The following MEOX1 variants were observed in gnomAD, a reference collection of about 807,000 sequenced individuals.
The protein encoded by MEOX1 is mesenchyme homeobox 1, also known as homeobox protein MOX-1.
In MEOX1, 17 loss-of-function variants were observed where a neutral mutation model predicts 23.2. The ratio of observed to expected loss-of-function variants is 0.73; its 90% CI spans 0.50 to 1.10. The LOEUF (loss-of-function observed/expected upper bound fraction) is 1.10, where lower values mean the gene tolerates loss of function less well. Among genes scored for constraint, MEOX1 ranks in the 50% least tolerant of loss-of-function variants. MEOX1 has a pLI of 0.00. For synonymous variants in MEOX1, 134 were observed against 135.1 expected (o/e 0.99, Z 0.06); for missense variants, 333 against 332.2 (o/e 1.00, Z -0.02).
intron 1 of MEOX1, among the ~76,000 whole-genome samples, chr17:43,650,031 C>T (rs2154588874): frequency 6.6e-6 from 1 of 152,284 alleles, no homozygotes; most frequent in South Asian, 2.1e-4. Context: ...CCTGTCTGAA[C>T]ATTTCTGGAG....
chr17:43,659,627 C>T (rs766110560), intron 1 of MEOX1, among the ~76,000 whole-genome samples: 11 of 152,154 alleles, frequency 7.2e-5, no homozygotes, highest in Non-Finnish European at 1.6e-4. Flanking sequence ...TGGAAAAGTC[C>T]TGGGCAAATG....
chr17:43,649,483 T>G (rs1972875615), intron 1 of MEOX1, among the ~76,000 whole-genome samples: 1 of 152,018 alleles, frequency 6.6e-6, no homozygotes, highest in Non-Finnish European at 1.5e-5. Context: ...ATTTTTGTAT[T>G]TTTAGTAGAG....
At chr17:43,651,716 T>C (rs561423650) in intron 1 of MEOX1, among the ~76,000 whole-genome samples, 1 of 152,286 alleles carries the variant, frequency 6.6e-6, no homozygotes, top group East Asian at 1.9e-4. Context: ...GAAAGGATTC[T>C]CTGCCTCTGA....
At chr17:43,649,290 C>CTTTTTTTT (rs10694288) in intron 1 of MEOX1, among the ~76,000 whole-genome samples, 18 of 86,226 alleles carry the variant, frequency 2.1e-4, no homozygotes, top group South Asian at 4.9e-4. Flanking sequence ...GGCCTTTCAG[C>CTTTTTTTT]TTTTTTTTTT....
At chr17:43,644,785 A>G (rs1480414732) in intron 1 of MEOX1, among the ~76,000 whole-genome samples, 1 of 152,130 alleles carries the variant, frequency 6.6e-6, no homozygotes. Context: ...GCGCGGTGGC[A>G]CGCCCCTGTA....
At chr17:43,644,647 A>C (rs1228893589) in intron 1 of MEOX1, among the ~76,000 whole-genome samples, 1 of 152,236 alleles carries the variant, frequency 6.6e-6, no homozygotes, top group Non-Finnish European at 1.5e-5. Context: ...TGTAGGGGCC[A>C]GGCGCGGTGG....
At position 43,657,012 on chromosome 17, in the gene MEOX1, CTCTTTCTT is replaced by C. The variant is rs3034954; in HGVS notation, c.469+4046_469+4053del. Among the ~76,000 whole-genome samples the C allele has an allele frequency of 5.7e-3, 600 of 105,136 alleles. 5 individuals carry two copies. The highest frequency in any genetic ancestry group is 0.014 in the South Asian group (43 of 3,130). 69.0% of individuals were successfully genotyped at this position (105,136 alleles called of 152,430 possible). A position where few individuals can be genotyped will look rare whatever the true frequency, so the allele number is the denominator to read the frequency against. ...TTTCTTTCTTTTTCTTTCTTTCTTT[CTCTTTCTT>C]TCTTTCTTTCTTTCTTTCTTTCTTT... On this transcript the variant is annotated intron_variant, in intron 1 of 2. Transcript: ENST00000318579.
chr17:43,645,382 A>G (rs571259723), intron 1 of MEOX1, among the ~76,000 whole-genome samples: 1 of 151,840 alleles, frequency 6.6e-6, no homozygotes, highest in African/African-American at 2.4e-5. Context: ...TTTCACTGTG[A>G]TAGCCAGGAT....
intron 1 of MEOX1, among the ~76,000 whole-genome samples, chr17:43,657,012 C>CTCTCTCTT (rs1555567819): frequency 1.6e-4 from 17 of 105,146 alleles, no homozygotes; most frequent in South Asian, 9.6e-4. Flanking sequence ...TTCTTTCTTT[C>CTCTCTCTT]TCTTTCTTTC....
chr17:43,659,974 G>T (rs1973107610), intron 1 of MEOX1, among the ~76,000 whole-genome samples: 1 of 152,208 alleles, frequency 6.6e-6, no homozygotes, highest in Non-Finnish European at 1.5e-5. Flanking sequence ...AAAGCACAAA[G>T]CATTCCCACC....
chr17:43,654,132 C>T (rs886694207), intron 1 of MEOX1, among the ~76,000 whole-genome samples: 3 of 152,152 alleles, frequency 2.0e-5, no homozygotes, highest in Admixed American at 2.0e-4. Context: ...TAGAGTGTGT[C>T]TGTATTTGGA....
intron 1 of MEOX1, among the ~76,000 whole-genome samples, chr17:43,660,369 C>A (rs1973113570): frequency 6.6e-6 from 1 of 152,226 alleles, no homozygotes; most frequent in South Asian, 2.1e-4. Flanking sequence ...TCCCTTGCAG[C>A]TCCTTGCGGG....
chr17:43,644,999 G>T (rs1242347094), intron 1 of MEOX1, among the ~76,000 whole-genome samples: 2 of 152,108 alleles, frequency 1.3e-5, no homozygotes, highest in Non-Finnish European at 1.5e-5. Context: ...TGAGCAGACG[G>T]GTGGGAGGCA....
chr17:43,646,611 G>C (rs1244471983), intron 1 of MEOX1, among the ~76,000 whole-genome samples: 3 of 85,394 alleles, frequency 3.5e-5, no homozygotes, highest in Non-Finnish European at 7.5e-5. Context: ...AAGAAATTGA[G>C]GAAATTTCAC....
Position 43,661,686 on chromosome 17 carries a change from A to C in MEOX1, c.-152T>G, listed in dbSNP as rs75206120. The C allele has an allele frequency of 3.7e-6, 2 of 536,360 alleles. No homozygotes were observed. Among genetic ancestry groups the C allele is most frequent in the Admixed American group, 3.8e-5 (1 of 26,632 alleles). The allele number at this position is 536,360 out of a possible 1,614,324, so 33.2% of individuals were successfully genotyped here. On this transcript the variant is annotated 5_prime_UTR_variant, in exon 1 of 3. Transcript: ENST00000318579. Reference sequence around the variant, plus strand: ...CCCCAGGAACCAAAAAAAAAAAAAAACCCAAAACTAAAGTCTCTCCTTAAA... The same window carrying C: ...CCCCAGGAACCAAAAAAAAAAAAAACCCCAAAACTAAAGTCTCTCCTTAAA...
intron 1 of MEOX1, among the ~76,000 whole-genome samples, chr17:43,651,112 A>G: frequency 6.6e-6 from 1 of 152,054 alleles, no homozygotes; most frequent in South Asian, 2.1e-4. Flanking sequence ...AGATCAGGAG[A>G]TCGAGACCAT....
chr17:43,652,021 G>A (rs2154588901), intron 1 of MEOX1, among the ~76,000 whole-genome samples: 1 of 152,326 alleles, frequency 6.6e-6, no homozygotes, highest in African/African-American at 2.4e-5. Flanking sequence ...GAGTTCAGAT[G>A]GTGGCCGAGG....
Position 43,661,686 on chromosome 17 carries a change from ACC to A in MEOX1, c.-154_-153del. 1.9e-6 allele frequency: 1 copy of A among 536,456 alleles called. No individual in the cohort carries two copies. Among genetic ancestry groups the A allele is most frequent in the Non-Finnish European group, 3.2e-6 (1 of 315,040 alleles). 33.2% of individuals were successfully genotyped at this position (536,456 alleles called of 1,614,324 possible). Reference sequence around the variant, plus strand: ...CCCCAGGAACCAAAAAAAAAAAAAAACCCAAAACTAAAGTCTCTCCTTAAAGT... The same window carrying A: ...CCCCAGGAACCAAAAAAAAAAAAAAACAAAACTAAAGTCTCTCCTTAAAGT... On this transcript the variant is annotated 5_prime_UTR_variant, in exon 1 of 3. Transcript: ENST00000318579.
At chr17:43,645,170 TC>T (rs1359014696) in intron 1 of MEOX1, among the ~76,000 whole-genome samples, 10,028 of 137,150 alleles carry the variant, frequency 0.073, 940 homozygotes, top group African/African-American at 0.24. Flanking sequence ...TCATTAATTA[TC>T]TTTTTTTTTT....
Sources: allele counts gnomAD v4.1 joint callset (sites outside exome capture counted in the v4.1 genomes callset), GRCh38; gene constraint gnomAD v4.1.1; transcripts MANE v1.5; gene names NCBI Gene and HGNC (gene_info 2026-07-23, HGNC 2026-07-21).